Variants in AMZ2 observed in about 807,000 individuals in gnomAD.
AMZ2 encodes archaemetzincin-2.
Under a neutral mutation model 36.7 loss-of-function variants are expected in AMZ2, and 26 were observed. The observed-to-expected ratio is 0.71, with a 90% CI of 0.52 to 0.98. The LOEUF is 0.98. Ranked by LOEUF, AMZ2 falls within the 50% of genes least tolerant of loss-of-function variation. The pLI is 0.00. For synonymous variants in AMZ2, 144 were observed against 149.1 expected (o/e 0.97, Z 0.25); for missense variants, 394 against 430.5 (o/e 0.92, Z 0.75).
At chr17:68,254,281 T>G in intron 4 of AMZ2, 123 bp from the exon 5 acceptor site, 2 of 852,218 alleles carry the variant, frequency 2.3e-6, no homozygotes, top group Non-Finnish European at 1.8e-6. Flanking sequence ...GTGTATCAGA[T>G]GGTGTGGACA....
chr17:68,230,314 T>G lies in AMZ2; in HGVS notation c.-66-18326T>G, dbSNP rs577455007. ...GTCTCGAACTCCTGACCCCAGGTGA[T>G]CCACTCGCCTCGGCCTCCCACAGTG... On this transcript the variant is annotated intron_variant, in intron 1 of 7. Transcript: ENST00000674770. 2.0e-5 allele frequency among the ~76,000 whole-genome samples: 3 copies of G among 152,344 alleles called. No homozygotes were observed. In the East Asian group the frequency reaches 5.8e-4, roughly 29 times the overall value.
intron 1 of AMZ2, among the ~76,000 whole-genome samples, chr17:68,212,384 A>G (rs2073090179): frequency 6.6e-6 from 1 of 151,896 alleles, no homozygotes; most frequent in African/African-American, 2.4e-5. Context: ...AGAAGAAAAA[A>G]AAATCTACCC....
intron 1 of AMZ2, chr17:68,207,483 A>T (rs1349253143): frequency 6.6e-6 from 1 of 151,680 alleles, no homozygotes; most frequent in Non-Finnish European, 1.5e-5. Flanking sequence ...AATAAAGTTT[A>T]TGAGAAAATA....
chr17:68,220,887 A>G lies in AMZ2; in HGVS notation c.-67+14649A>G, dbSNP rs571320138. Among the ~76,000 whole-genome samples, 4 of 148,758 alleles carry G rather than the reference A, an allele frequency of 2.7e-5. No homozygotes were observed. The East Asian group carries it at 6.1e-4, about 23-fold the overall frequency. ...AACCTCCGCCTCCTGGGTTCAAGCGATTCCCCTGCCTCAGCCTCTGGGGTA... is the reference window on the plus strand; with the variant it reads ...AACCTCCGCCTCCTGGGTTCAAGCGGTTCCCCTGCCTCAGCCTCTGGGGTA... On this transcript the variant is annotated intron_variant, in intron 1 of 7. Transcript: ENST00000674770.
intron 1 of AMZ2, among the ~76,000 whole-genome samples, chr17:68,221,917 A>C (rs1338499291): frequency 6.6e-6 from 1 of 152,148 alleles, no homozygotes; most frequent in Non-Finnish European, 1.5e-5. Flanking sequence ...AAGAAGCAGA[A>C]TGACACGACC....
At chr17:68,247,318 A>G (rs2074063006), upstream of AMZ2, 1 of 144,180 alleles carries the variant, frequency 6.9e-6, no homozygotes, top group Admixed American at 7.2e-5. Flanking sequence ...CCTGGGCAAC[A>G]GAGCAAGACT....
At chr17:68,222,729 A>G (rs2073400344) in intron 1 of AMZ2, among the ~76,000 whole-genome samples, 1 of 152,088 alleles carries the variant, frequency 6.6e-6, no homozygotes. Context: ...TTGCACTCCT[A>G]AGAAAATCTA....
At chr17:68,254,965 A>G (rs2144771934) in intron 5 of AMZ2, among the ~76,000 whole-genome samples, 1 of 152,176 alleles carries the variant, frequency 6.6e-6, no homozygotes. Context: ...GCTCCAGGTT[A>G]CCCTCGACTG....
intron 1 of AMZ2, among the ~76,000 whole-genome samples, chr17:68,223,886 A>C (rs570240694): frequency 1.6e-5 from 1 of 62,710 alleles, no homozygotes; most frequent in Non-Finnish European, 3.4e-5. Flanking sequence ...CAGCTAATTT[A>C]TATATATATA....
intron 1 of AMZ2, among the ~76,000 whole-genome samples, chr17:68,221,221 C>CCA: frequency 1.0e-5 from 1 of 98,168 alleles, no homozygotes; most frequent in Non-Finnish European, 2.1e-5. Context: ...CCCCCCCCGC[C>CCA]CCCCCGGTAG....
At position 68,235,860 on chromosome 17, in the gene AMZ2, C is replaced by T. The variant is rs1199612774; in HGVS notation, c.-66-12780C>T. On this transcript the variant is annotated intron_variant, in intron 1 of 7. Transcript: ENST00000674770. The surrounding 1 kb of genome is among the most constrained non-coding windows in gnomAD (Gnocchi z 4.2). The stretch of plus-strand genomic sequence containing the variant: ...TTTTTTTTTTTTCGAGATAGTTTCT[C>T]ACTTGGTCCACCAGGCTGGAATGCA... Among the ~76,000 whole-genome samples the T allele has an allele frequency of 3.3e-5, 5 of 151,588 alleles. No individual in the cohort carries two copies. Among genetic ancestry groups the T allele is most frequent in the South Asian group, 2.1e-4 (1 of 4,802 alleles).
chr17:68,254,266 C>G, intron 4 of AMZ2, 138 bp from the exon 5 acceptor site: 1 of 751,228 alleles, frequency 1.3e-6, no homozygotes, highest in Non-Finnish European at 2.0e-6. Flanking sequence ...GGTGGCAAAC[C>G]ATAAGTGTAT....
At chr17:68,211,914 C>T (rs2073077665) in intron 1 of AMZ2, among the ~76,000 whole-genome samples, 1 of 150,008 alleles carries the variant, frequency 6.7e-6, no homozygotes, top group Non-Finnish European at 1.5e-5. Context: ...TTAATCAGTT[C>T]CCTTTGTCCT....
intron 6 of AMZ2, 126 bp from the exon 7 acceptor site, chr17:68,256,688 C>CTG: frequency 1.2e-5 from 11 of 890,900 alleles, no homozygotes; most frequent in Middle Eastern, 5.0e-4. Flanking sequence ...TTCACACCAT[C>CTG]ATTATCAAAT....
intron 1 of AMZ2, among the ~76,000 whole-genome samples, chr17:68,219,293 C>T (rs1405050213): frequency 1.1e-4 from 17 of 152,172 alleles, no homozygotes; most frequent in Admixed American, 5.9e-4. Context: ...CCGGCCTTCC[C>T]TTCCAGCTTC....
chr17:68,213,148 C>A (rs1443701056), intron 1 of AMZ2, among the ~76,000 whole-genome samples: 2 of 152,108 alleles, frequency 1.3e-5, no homozygotes, highest in Non-Finnish European at 2.9e-5. Flanking sequence ...AAACATACGC[C>A]AGCCGGCTTA....
intron 4 of AMZ2, among the ~76,000 whole-genome samples, chr17:68,251,583 C>T (rs1328900539): frequency 1.3e-5 from 2 of 152,088 alleles, no homozygotes; most frequent in Non-Finnish European, 2.9e-5. Flanking sequence ...GAGAGGATTG[C>T]TTGAGCCCAG....
chr17:68,218,408 C>T (rs146229331), intron 1 of AMZ2, among the ~76,000 whole-genome samples: 475 of 151,968 alleles, frequency 3.1e-3, no homozygotes, highest in African/African-American at 4.8e-3. Flanking sequence ...AGGCTGGTCT[C>T]GAACTCCTGG....
In AMZ2 at chr17:68,234,552, G is replaced by C. The variant is rs531771487; in HGVS notation, c.-66-14088G>C. 3.3e-5 allele frequency among the ~76,000 whole-genome samples: 5 copies of C among 152,170 alleles called. No individual in the cohort carries two copies. In the South Asian group the frequency reaches 1.0e-3, roughly 32 times the overall value. Reference sequence around the variant, plus strand: ...GAGGTGGGAGGATTGCTTGAGCTCAGGAATTCAAGGCCAGCCTGGTTAATA... The same window carrying C: ...GAGGTGGGAGGATTGCTTGAGCTCACGAATTCAAGGCCAGCCTGGTTAATA... On this transcript the variant is annotated intron_variant, in intron 1 of 7. Coordinates refer to the AMZ2 transcript ENST00000674770.
Sources: allele counts gnomAD v4.1 joint callset (sites outside exome capture counted in the v4.1 genomes callset), GRCh38; gene constraint gnomAD v4.1.1; non-coding constraint Gnocchi (gnomAD v3.1); transcripts MANE v1.5; gene names NCBI Gene and HGNC (gene_info 2026-07-23, HGNC 2026-07-21).